The following SWT1 variants were observed in gnomAD, a reference collection of about 807,000 sequenced individuals.
The protein encoded by SWT1 is transcriptional protein SWT1.
SWT1 carries 33 observed loss-of-function variants against 107.3 expected under a neutral mutation model. That is an observed-to-expected ratio of 0.31 (90% CI 0.23 to 0.41). The LOEUF is 0.41. SWT1 is among the 10% of genes least tolerant of loss of function. The pLI is 1.00. For missense variants in SWT1, 898 were observed against 1,028.9 expected (o/e 0.87, Z 1.74); for synonymous variants, 345 against 348.3 (o/e 0.99, Z 0.11).
At chr1:185,168,010 G>A (rs947237539) in intron 3 of SWT1, among the ~76,000 whole-genome samples, 13 of 152,098 alleles carry the variant, frequency 8.5e-5, no homozygotes, top group Admixed American at 1.3e-4. Context: ...TTTAGGACAT[G>A]GATTATATTT....
intron 16 of SWT1, among the ~76,000 whole-genome samples, chr1:185,248,423 CTT>C (rs1661763785): frequency 1.3e-5 from 2 of 152,078 alleles, no homozygotes; most frequent in African/African-American, 2.4e-5. Context: ...GCATTTTCAA[CTT>C]TATATTGAAA....
intron 10 of SWT1, among the ~76,000 whole-genome samples, chr1:185,200,491 C>G (rs1228648235): frequency 1.3e-5 from 2 of 152,178 alleles, no homozygotes; most frequent in African/African-American, 2.4e-5. Context: ...GGTTTTCCTT[C>G]TAACAGTCAG....
At chr1:185,231,454 T>C in intron 15 of SWT1, 123 bp from the exon 16 acceptor site, 1 of 741,048 alleles carries the variant, frequency 1.3e-6, no homozygotes, top group Non-Finnish European at 2.3e-6. Context: ...TTTAAATAGA[T>C]CAGCATTCTG....
rs190551620 is a variant in SWT1, at chr1:185,169,196, A to C, written c.224+798A>C. On this transcript the variant is annotated intron_variant, in intron 4 of 18. Coordinates refer to ENST00000367500, the MANE Select transcript of SWT1 (RefSeq NM_017673.7). Reference sequence around the variant, plus strand: ...CTTCTGTGTTATTCTCTGTTGAAGTATATTCTTGCACTAATTTCATATTAT... The same window carrying C: ...CTTCTGTGTTATTCTCTGTTGAAGTCTATTCTTGCACTAATTTCATATTAT... 3.4e-3 allele frequency among the ~76,000 whole-genome samples: 507 copies of C among 150,840 alleles called. 4 individuals are homozygous for C. The highest frequency in any genetic ancestry group is 0.012 in the African/African-American group (479 of 41,110).
chr1:185,263,564 A>G (rs989638649), intron 16 of SWT1: 2 of 152,240 alleles, frequency 1.3e-5, no homozygotes, highest in African/African-American at 4.8e-5. Context: ...GCTGTTTTGT[A>G]GACAGAGTTT....
chr1:185,182,578 T>C (rs1190205999), intron 7 of SWT1, among the ~76,000 whole-genome samples: 1 of 149,684 alleles, frequency 6.7e-6, no homozygotes, highest in Non-Finnish European at 1.5e-5. Context: ...GGTGGGAGGA[T>C]TGCTTGAGCC....
intron 16 of SWT1, among the ~76,000 whole-genome samples, chr1:185,255,696 C>T (rs1662444101): frequency 7.2e-6 from 1 of 139,328 alleles, no homozygotes; most frequent in East Asian, 2.2e-4. Context: ...GATGGGTTTC[C>T]TGAATACAGC....
chr1:185,270,992 C>G (rs1427943500), intron 16 of SWT1, among the ~76,000 whole-genome samples: 1 of 152,186 alleles, frequency 6.6e-6, no homozygotes, highest in Non-Finnish European at 1.5e-5. Flanking sequence ...AAATGCACTT[C>G]ACATTTCTGT....
chr1:185,245,718 A>G (rs1201305449), intron 16 of SWT1, among the ~76,000 whole-genome samples: 1 of 151,880 alleles, frequency 6.6e-6, no homozygotes, highest in Non-Finnish European at 1.5e-5. Context: ...AGTGATAGGA[A>G]TTTTTCGGCT....
In SWT1 at chr1:185,232,292, T is replaced by G. The variant is rs80166081; in HGVS notation, c.2441+584T>G. Reference sequence around the variant, plus strand: ...TAATTTAAAGCCTTATTAAAATAAGTGTGGCTCCATAAGGGTGAACTATTG... The same window carrying G: ...TAATTTAAAGCCTTATTAAAATAAGGGTGGCTCCATAAGGGTGAACTATTG... On this transcript the variant is annotated intron_variant, in intron 16 of 18. Coordinates refer to ENST00000367500, the MANE Select transcript of SWT1 (RefSeq NM_017673.7). 5.6e-3 allele frequency among the ~76,000 whole-genome samples: 849 copies of G among 152,304 alleles called. 35 individuals are homozygous for G. The East Asian group carries it at 0.094, about 17-fold the overall frequency.
chr1:185,206,394 T>C (rs985583525), intron 12 of SWT1, among the ~76,000 whole-genome samples: 14 of 152,204 alleles, frequency 9.2e-5, no homozygotes, highest in Admixed American at 2.6e-4. Flanking sequence ...GTTTTTCTTT[T>C]TTGCACAGTT....
At chr1:185,240,328 C>T (rs1447745447) in intron 16 of SWT1, among the ~76,000 whole-genome samples, 2 of 152,062 alleles carry the variant, frequency 1.3e-5, no homozygotes, top group African/African-American at 4.8e-5. Context: ...ATGTGAGTTT[C>T]ATGAACTGAA....
At chr1:185,198,039 A>G (rs1657544270) in intron 10 of SWT1, among the ~76,000 whole-genome samples, 1 of 152,022 alleles carries the variant, frequency 6.6e-6, no homozygotes, top group Non-Finnish European at 1.5e-5. Flanking sequence ...TAGGGTGTCA[A>G]TTTTAGATCT....
chr1:185,246,638 T>G (rs1314207292), intron 16 of SWT1, among the ~76,000 whole-genome samples: 2 of 150,028 alleles, frequency 1.3e-5, no homozygotes, highest in East Asian at 3.9e-4. Context: ...TTTTTTTTTT[T>G]TTTTTTAATA....
chr1:185,228,169 G>GTA (rs757812651), intron 15 of SWT1, among the ~76,000 whole-genome samples: 3,139 of 79,242 alleles, frequency 0.04, 47 homozygotes, highest in South Asian at 0.066. Context: ...AAAAAAATGT[G>GTA]TATATATATA....
intron 4 of SWT1, among the ~76,000 whole-genome samples, 189 bp downstream of exon 4, chr1:185,168,587 A>G (rs1654789957): frequency 6.6e-6 from 1 of 152,236 alleles, no homozygotes; most frequent in African/African-American, 2.4e-5. Flanking sequence ...TGAGTGAAAT[A>G]AAAATCTATG....
At chr1:185,178,898 C>T (rs894487646) in intron 5 of SWT1, among the ~76,000 whole-genome samples, 2 of 152,132 alleles carry the variant, frequency 1.3e-5, no homozygotes, top group Non-Finnish European at 2.9e-5. Context: ...AAGCTGATTT[C>T]CCAGTAAAGC....
chr1:185,268,962 C>T (rs1571671130), intron 16 of SWT1, among the ~76,000 whole-genome samples: 1 of 151,288 alleles, frequency 6.6e-6, no homozygotes, highest in Non-Finnish European at 1.5e-5. Flanking sequence ...ACGCCATTCT[C>T]CTGCCTCAGC....
intron 16 of SWT1, among the ~76,000 whole-genome samples, chr1:185,249,561 G>T (rs573112683): frequency 6.6e-6 from 1 of 152,206 alleles, no homozygotes; most frequent in Non-Finnish European, 1.5e-5. Context: ...CCCTGGGTAT[G>T]GCTCCTTCAG....
Sources: allele counts gnomAD v4.1 joint callset (sites outside exome capture counted in the v4.1 genomes callset), GRCh38; gene constraint gnomAD v4.1.1; transcripts MANE v1.5; gene names NCBI Gene and HGNC (gene_info 2026-07-23, HGNC 2026-07-21).